Variants in CACNA1A observed in about 807,000 individuals in gnomAD.
CACNA1A encodes the protein voltage-dependent P/Q-type calcium channel subunit alpha-1A.
In CACNA1A, 57 loss-of-function variants were observed where a neutral mutation model predicts 262.4. The ratio of observed to expected loss-of-function variants is 0.22; its 90% CI spans 0.18 to 0.27. The LOEUF (loss-of-function observed/expected upper bound fraction) is 0.27, where lower values mean the gene tolerates loss of function less well. Ranked by LOEUF, CACNA1A falls within the 10% of genes least tolerant of loss-of-function variation. CACNA1A has a pLI of 1.00. For synonymous variants in CACNA1A, 1,431 were observed against 1,419.3 expected (o/e 1.01, Z -0.18); for missense variants, 2,526 against 3,562.8 (o/e 0.71, Z 7.41).
At chr19:13,221,686 A>C (rs2055238930) in intron 38 of CACNA1A, among the ~76,000 whole-genome samples, 1 of 152,044 alleles carries the variant, frequency 6.6e-6, no homozygotes, top group South Asian at 2.1e-4. Flanking sequence ...GACCATGATG[A>C]CCAGTCACTT....
intron 3 of CACNA1A, among the ~76,000 whole-genome samples, chr19:13,421,185 G>A (rs2060309878): frequency 6.6e-6 from 1 of 152,196 alleles, no homozygotes. Flanking sequence ...GTGACTTTGT[G>A]GAAGTGAGCT....
At chr19:13,496,079 TCCATCCATCCAC>T (rs765561093) in intron 1 of CACNA1A, among the ~76,000 whole-genome samples, 18,399 of 150,408 alleles carry the variant, frequency 0.12, 2,359 homozygotes, top group African/African-American at 0.34. Context: ...CATCCATCCA[TCCATCCATCCAC>T]CCAGACATCC....
chr19:13,277,145 C>G lies in CACNA1A; in HGVS notation c.3823-17G>C. On this transcript the variant is annotated splice_polypyrimidine_tract_variant and intron_variant, in intron 22 of 46. Coordinates refer to ENST00000360228, the MANE Select transcript of CACNA1A (RefSeq NM_001127222.2). ...TCGCAGCACCTGTAAGGGATAAAAG[C>G]AAGAGAGCAGTGGATCACTGGCCTG... is the stretch of plus-strand genomic sequence containing the variant. 1 of 1,600,520 alleles carries G rather than the reference C, an allele frequency of 6.2e-7. No individual in the cohort carries two copies. The highest frequency in any genetic ancestry group is 8.6e-7 in the Non-Finnish European group (1 of 1,168,166).
Position 13,346,147 on chromosome 19 carries a change from C to A in CACNA1A, c.979-10238G>T, listed in dbSNP as rs191021272. Among the ~76,000 whole-genome samples the A allele has an allele frequency of 8.3e-4, 127 of 152,238 alleles. 1 individual carries two copies. The highest frequency in any genetic ancestry group is 8.2e-3 in the Admixed American group (125 of 15,288). ...TGGAACTCTTGACCTTGTGATCCAC[C>A]CGCCTTGGCCTCCCAAAGTGCTGGG... On this transcript the variant is annotated intron_variant, in intron 6 of 46. Transcript: ENST00000360228.
At chr19:13,489,940 C>G (rs994450906) in intron 1 of CACNA1A, among the ~76,000 whole-genome samples, 9 of 152,174 alleles carry the variant, frequency 5.9e-5, no homozygotes, top group Admixed American at 5.9e-4. Flanking sequence ...TTAGTACTTA[C>G]CACACTCAAA....
Position 13,294,487 on chromosome 19 carries a change from CT to C in CACNA1A, c.3089+4056del, listed in dbSNP as rs780908964. Among the ~76,000 whole-genome samples, 573 of 72,498 alleles carry C rather than the reference CT, an allele frequency of 7.9e-3. 2 individuals carry two copies. The highest frequency in any genetic ancestry group is 9.0e-3 in the Non-Finnish European group (373 of 41,618). 47.6% of individuals were successfully genotyped at this position (72,498 alleles called of 152,430 possible). ...TACAGGTGCATACCACTGTACCTGG[CT>C]TTTTTTTTTTTTTTTTTTTTTTGAG... is the stretch of plus-strand genomic sequence containing the variant. On this transcript the variant is annotated intron_variant, in intron 19 of 46. Transcript: ENST00000360228.
At chr19:13,479,997 TC>T in intron 1 of CACNA1A, among the ~76,000 whole-genome samples, 1 of 152,326 alleles carries the variant, frequency 6.6e-6, no homozygotes, top group South Asian at 2.1e-4. Flanking sequence ...AGTAGAGTGG[TC>T]CCAAAGAGAC....
chr19:13,281,871 C>T (rs2057300478), intron 22 of CACNA1A, among the ~76,000 whole-genome samples: 1 of 152,200 alleles, frequency 6.6e-6, no homozygotes, highest in African/African-American at 2.4e-5. Context: ...CTGGTCTGAG[C>T]ACTGCCTAGA....
chr19:13,385,458 G>A (rs894216171), intron 3 of CACNA1A, among the ~76,000 whole-genome samples: 20 of 151,912 alleles, frequency 1.3e-4, no homozygotes, highest in African/African-American at 3.9e-4. Context: ...TCAAACTCCT[G>A]ACCTTGCGAT....
At chr19:13,208,318 AGAGAAAT>A (rs1021311273) in intron 46 of CACNA1A, among the ~76,000 whole-genome samples, 1 of 151,990 alleles carries the variant, frequency 6.6e-6, no homozygotes, top group Non-Finnish European at 1.5e-5. Flanking sequence ...CAAAGTGAAA[AGAGAAAT>A]GAGAAATGGA....
At chr19:13,425,227 T>TAGTTATC (rs1459049107) in intron 3 of CACNA1A, among the ~76,000 whole-genome samples, 1 of 152,158 alleles carries the variant, frequency 6.6e-6, no homozygotes, top group East Asian at 1.9e-4. Flanking sequence ...TGACAATTAG[T>TAGTTATC]AGTTATCAGC....
At chr19:13,276,697 C>CTT (rs33970596) in intron 23 of CACNA1A, among the ~76,000 whole-genome samples, 23,147 of 125,156 alleles carry the variant, frequency 0.18, 2,974 homozygotes, top group Non-Finnish European at 0.24. Flanking sequence ...AATCCCAGCT[C>CTT]TTTTTTTTTT....
intron 24 of CACNA1A, among the ~76,000 whole-genome samples, chr19:13,264,647 G>C (rs903445594): frequency 1.3e-5 from 2 of 152,096 alleles, no homozygotes; most frequent in African/African-American, 4.8e-5. Context: ...TGCTAGAAAT[G>C]CCCTTCCTCC....
intron 3 of CACNA1A, among the ~76,000 whole-genome samples, chr19:13,413,712 C>T (rs1217672830): frequency 7.2e-6 from 1 of 138,240 alleles, no homozygotes; most frequent in Non-Finnish European, 1.5e-5. Context: ...AACCCCGTCT[C>T]TACTAAAAAA....
chr19:13,235,751 G>T, intron 31 of CACNA1A, 21 bp from the exon 32 acceptor site: 1 of 1,565,182 alleles, frequency 6.4e-7, no homozygotes, highest in Non-Finnish European at 8.8e-7. Flanking sequence ...GGAGGAAGAG[G>T]GGTGACCATC....
Position 13,286,860 on chromosome 19 carries a change from C to T in CACNA1A, c.3196G>A (p.Asp1066Asn), listed in dbSNP as rs759700988. 2.5e-6 allele frequency: 4 copies of T among 1,613,744 alleles called. No individual in the cohort carries two copies. Among genetic ancestry groups the T allele is most frequent in the Non-Finnish European group, 1.7e-6 (2 of 1,179,854 alleles). ...GCCAGCTTGTTGTTCTTCATGTTGT[C>T]AATATCCTCTGCCAGGGGTGGGTCT... ...RQDPPLAEDI[D>N]NMKNNKLATA... Residue 1066 changes from aspartate (D) to asparagine (N), a missense_variant, in exon 20 of 47, where the codon GAC (aspartate) becomes AAC (asparagine). Asp to Asn is a conservative substitution (Grantham distance 23). Coordinates refer to ENST00000360228, the MANE Select transcript of CACNA1A (RefSeq NM_001127222.2).
At chr19:13,252,203 C>T (rs984995179) in intron 30 of CACNA1A, among the ~76,000 whole-genome samples, 4 of 151,828 alleles carry the variant, frequency 2.6e-5, no homozygotes, top group African/African-American at 7.3e-5. Context: ...ACTGGCACTA[C>T]AGGCACGAGT....
At chr19:13,280,880 G>C (rs2057273509) in intron 22 of CACNA1A, among the ~76,000 whole-genome samples, 1 of 146,192 alleles carries the variant, frequency 6.8e-6, no homozygotes, top group Non-Finnish European at 1.5e-5. Context: ...GGCGGAGGTT[G>C]CAGTGAGCCA....
intron 6 of CACNA1A, among the ~76,000 whole-genome samples, chr19:13,355,259 C>T (rs1189545028): frequency 6.6e-6 from 1 of 152,122 alleles, no homozygotes; most frequent in African/African-American, 2.4e-5. Context: ...TTGTGGGAAA[C>T]CAGCAAAAGC....
Sources: gnomAD v4.1 joint callset for allele counts (sites outside exome capture counted in the v4.1 genomes callset) on GRCh38, gnomAD v4.1.1 for gene constraint, MANE v1.5 for transcripts, NCBI Gene and HGNC (gene_info 2026-07-23, HGNC 2026-07-21) for gene names.